CBLB: variants seen among roughly 807,000 people sequenced by gnomAD.
The protein encoded by CBLB is E3 ubiquitin-protein ligase CBL-B.
In CBLB, 31 loss-of-function variants were observed where a neutral mutation model predicts 104.9. The observed-to-expected ratio is 0.30, with a 90% CI of 0.22 to 0.40. The LOEUF (loss-of-function observed/expected upper bound fraction) is 0.40. Ranked by LOEUF, CBLB falls within the 10% of genes least tolerant of loss-of-function variation. The probability of loss-of-function intolerance (pLI) is 1.00; values close to 1 mark genes in which losing one functional copy is unlikely to be tolerated. For synonymous variants in CBLB, 440 were observed against 422.6 expected (o/e 1.04, Z -0.51); for missense variants, 1,062 against 1,214.6 (o/e 0.87, Z 1.87).
chr3:105,678,343 T>C (rs2065896251), intron 17 of CBLB, 88 bp downstream of exon 17: 5 of 1,302,256 alleles, frequency 3.8e-6, no homozygotes, highest in Admixed American at 3.4e-5. Flanking sequence ...AGGTAGAGAC[T>C]AATGAATCAC....
rs1192071075 is a variant in CBLB, at chr3:105,695,680, T to C, written c.1960-2092A>G. Among the ~76,000 whole-genome samples, 3 of 151,840 alleles carry C rather than the reference T, an allele frequency of 2.0e-5. 1 individual carries two copies. The highest frequency in any genetic ancestry group is 7.2e-5 in the African/African-American group (3 of 41,438). On this transcript the variant is annotated intron_variant, in intron 12 of 18. Coordinates refer to ENST00000394030, the MANE Select transcript of CBLB (RefSeq NM_170662.5). ...AATACCATTTGTTACTGATGTATAG[T>C]AACTAAAGGATTTCTATGGCCACTG... is the stretch of plus-strand genomic sequence containing the variant.
At chr3:105,854,123 G>A (rs1366923071) in intron 2 of CBLB, among the ~76,000 whole-genome samples, 2 of 152,078 alleles carry the variant, frequency 1.3e-5, no homozygotes, top group African/African-American at 2.4e-5. Flanking sequence ...TCTGAACCCC[G>A]AGGACAATAA....
chr3:105,680,236 C>T (rs914217385), intron 16 of CBLB, among the ~76,000 whole-genome samples: 2 of 152,002 alleles, frequency 1.3e-5, no homozygotes, highest in South Asian at 2.1e-4. Context: ...AGGACAGGAT[C>T]GTCTAAGTAG....
rs762798269 is a variant in CBLB, at chr3:105,746,050, A to C, written c.724-12T>G. 6.4e-7 allele frequency: 1 copy of C among 1,573,202 alleles called. No individual in the cohort carries two copies. The highest frequency in any genetic ancestry group is 1.1e-5 in the South Asian group (1 of 90,080). ...ATAGAGCCCCAAGGCTAAAAAATAA[A>C]AAAATTAAAAGAGATTAGTATCTAG... On this transcript the variant is annotated splice_polypyrimidine_tract_variant and intron_variant, in intron 5 of 18. Coordinates refer to ENST00000394030, the MANE Select transcript of CBLB (RefSeq NM_170662.5).
chr3:105,788,867 T>A (rs2081318821), intron 3 of CBLB, among the ~76,000 whole-genome samples: 2 of 152,216 alleles, frequency 1.3e-5, no homozygotes, highest in African/African-American at 4.8e-5. Flanking sequence ...AGTTTCTGCC[T>A]CTGCCTCTTT....
chr3:105,684,760 T>C (rs1173618828), intron 14 of CBLB, among the ~76,000 whole-genome samples: 2 of 151,648 alleles, frequency 1.3e-5, no homozygotes, highest in African/African-American at 4.8e-5. Flanking sequence ...ACCATGTTGG[T>C]CAGGCTGGTT....
chr3:105,841,074 ACC>A (rs1486120460), intron 3 of CBLB, among the ~76,000 whole-genome samples: 1 of 152,090 alleles, frequency 6.6e-6, no homozygotes, highest in African/African-American at 2.4e-5. Context: ...TGGGCAGATC[ACC>A]TAAGGTCAGG....
chr3:105,688,489 A>G (rs2067274607), intron 13 of CBLB, among the ~76,000 whole-genome samples: 1 of 152,110 alleles, frequency 6.6e-6, no homozygotes, highest in Non-Finnish European at 1.5e-5. Context: ...GATAGTATCC[A>G]ATGCTATGCT....
intron 14 of CBLB, 54 bp from the exon 15 acceptor site, chr3:105,681,872 G>A: frequency 1.9e-6 from 2 of 1,048,404 alleles, no homozygotes; most frequent in Non-Finnish European, 3.0e-6. Flanking sequence ...CCAATTAAAA[G>A]TAACTTGAGA....
At chr3:105,755,505 TA>T (rs5851472) in intron 4 of CBLB, among the ~76,000 whole-genome samples, 1 of 146,794 alleles carries the variant, frequency 6.8e-6, no homozygotes, top group African/African-American at 2.5e-5. Flanking sequence ...TGATTTCTTT[TA>T]AAAAAAAAAA....
At chr3:105,785,217 A>G (rs1025395073) in intron 3 of CBLB, among the ~76,000 whole-genome samples, 10 of 152,246 alleles carry the variant, frequency 6.6e-5, no homozygotes, top group African/African-American at 2.2e-4. Context: ...ATTATAAAAA[A>G]TATTTTTAAA....
chr3:105,706,521 T>C (rs1308963079), intron 10 of CBLB, among the ~76,000 whole-genome samples: 1 of 152,182 alleles, frequency 6.6e-6, no homozygotes, highest in African/African-American at 2.4e-5. Flanking sequence ...TTGAACCTTC[T>C]GGAGCAAAAC....
intron 3 of CBLB, among the ~76,000 whole-genome samples, chr3:105,792,028 G>A (rs1392888425): frequency 2.6e-5 from 4 of 152,046 alleles, no homozygotes; most frequent in Non-Finnish European, 4.4e-5. Flanking sequence ...TCTAATAATG[G>A]CACTCAAAAT....
At chr3:105,780,670 T>TTTTTTTTTTTTTTTTTTTTTTG (rs1560209728) in intron 3 of CBLB, among the ~76,000 whole-genome samples, 5 of 135,176 alleles carry the variant, frequency 3.7e-5, no homozygotes, top group African/African-American at 8.2e-5. Flanking sequence ...GTTTTTTTTT[T>TTTTTTTTTTTTTTTTTTTTTTG]TTTTTTTTTT....
At chr3:105,662,588 A>T (rs1263329558) in intron 18 of CBLB, among the ~76,000 whole-genome samples, 1 of 152,244 alleles carries the variant, frequency 6.6e-6, no homozygotes, top group Admixed American at 6.5e-5. Flanking sequence ...CAATTTTCTT[A>T]AAAGATATAA....
At chr3:105,808,660 C>G (rs2083842328) in intron 3 of CBLB, among the ~76,000 whole-genome samples, 1 of 152,072 alleles carries the variant, frequency 6.6e-6, no homozygotes, top group African/African-American at 2.4e-5. Context: ...ACTATTTGAG[C>G]CACCAACAGA....
At chr3:105,780,668 T>G (rs868856884) in intron 3 of CBLB, among the ~76,000 whole-genome samples, 5 of 99,658 alleles carry the variant, frequency 5.0e-5, no homozygotes, top group East Asian at 2.5e-4. Flanking sequence ...TTGTTTTTTT[T>G]TTTTTTTTTT....
chr3:105,748,731 G>T (rs768356225), intron 5 of CBLB, among the ~76,000 whole-genome samples: 1 of 152,148 alleles, frequency 6.6e-6, no homozygotes, highest in African/African-American at 2.4e-5. Context: ...ATTTGTTCAG[G>T]TTCTGCCTGC....
chr3:105,807,223 T>C (rs6766168), intron 3 of CBLB, among the ~76,000 whole-genome samples: 120,555 of 152,146 alleles, frequency 0.79, 48,570 homozygotes, highest in Middle Eastern at 0.9. Context: ...TTGAGAAAGA[T>C]TAGTCACTTA....
Sources: gnomAD v4.1 joint callset for allele counts (sites outside exome capture counted in the v4.1 genomes callset) on GRCh38, gnomAD v4.1.1 for gene constraint, MANE v1.5 for transcripts, NCBI Gene and HGNC (gene_info 2026-07-23, HGNC 2026-07-21) for gene names.